TMEM266: variants seen among roughly 807,000 people sequenced by gnomAD.
The protein encoded by TMEM266 is Hv1 related protein 1.
A neutral mutation model predicts 50.5 loss-of-function variants in TMEM266; 33 were observed. The observed-to-expected ratio is 0.65, with a 90% confidence interval of 0.50 to 0.87. TMEM266 has a LOEUF of 0.87. Ranked by LOEUF, TMEM266 falls within the 40% of genes least tolerant of loss-of-function variation. The pLI, the probability that TMEM266 is intolerant of heterozygous loss-of-function variation, is 0.00. For missense variants in TMEM266, 655 were observed against 695.1 expected, an observed-to-expected ratio of 0.94 and a Z score of 0.65; for synonymous variants, 310 against 292.3, an observed-to-expected ratio of 1.06 and a Z score of -0.62.
chr15:76,158,223 C>G (rs1037840752), intron 4 of TMEM266, among the ~76,000 whole-genome samples: 6 of 152,196 alleles, frequency 3.9e-5, no homozygotes, highest in African/African-American at 1.4e-4. Flanking sequence ...TCTCTGCTCT[C>G]TCAGAGAGCG....
chr15:76,125,463 G>A (rs1290735281), intron 1 of TMEM266, among the ~76,000 whole-genome samples: 1 of 151,192 alleles, frequency 6.6e-6, no homozygotes, highest in Non-Finnish European at 1.5e-5. Flanking sequence ...AATATATAAG[G>A]AACCCATACA....
At chr15:76,061,927 C>T (rs575066987) in intron 1 of TMEM266, among the ~76,000 whole-genome samples, 2 of 152,198 alleles carry the variant, frequency 1.3e-5, no homozygotes, top group African/African-American at 4.8e-5. Context: ...GGAATCCATC[C>T]GTACCAGCCG....
At chr15:76,202,126 T>TG (rs1181642121) in intron 9 of TMEM266, 76 bp from the exon 10 acceptor site, 1 of 1,268,536 alleles carries the variant, frequency 7.9e-7, no homozygotes, top group Non-Finnish European at 1.1e-6. Flanking sequence ...CTTGTGACCG[T>TG]GGGGGTGGGG....
intron 8 of TMEM266, among the ~76,000 whole-genome samples, chr15:76,177,477 G>T (rs750536088): frequency 2.6e-5 from 4 of 152,256 alleles, no homozygotes; most frequent in Non-Finnish European, 5.9e-5. Context: ...ACAGGAACAC[G>T]CACACAGTGT....
In TMEM266 at chr15:76,160,851, C is replaced by G. The variant is rs918750796; in HGVS notation, c.456+683C>G. On this transcript the variant is annotated intron_variant, in intron 5 of 10. Transcript: ENST00000388942. The surrounding 1 kb of genome is among the most constrained non-coding windows in gnomAD (Gnocchi z 5.7). ...GGGAAAGTTTATGGAGATCCGCAGG[C>G]CCCCGGGCTTGGTGCAGAAGCTGGC... Among the ~76,000 whole-genome samples the G allele has an allele frequency of 1.3e-5, 2 of 152,156 alleles. No homozygotes were observed. The highest frequency in any genetic ancestry group is 4.8e-5 in the African/African-American group (2 of 41,424).
At chr15:76,173,896 G>A (rs1159751389) in intron 7 of TMEM266, among the ~76,000 whole-genome samples, 3 of 150,944 alleles carry the variant, frequency 2.0e-5, no homozygotes, top group Non-Finnish European at 2.9e-5. Flanking sequence ...TCATGTCACT[G>A]CACTCCAGCC....
chr15:76,204,011 C>G lies in TMEM266; in HGVS notation c.1292C>G (p.Ser431Cys), dbSNP rs2038795163. 1.2e-6 allele frequency: 2 copies of G among 1,608,872 alleles called. No individual in the cohort carries two copies. Among genetic ancestry groups the G allele is most frequent in the African/African-American group, 1.3e-5 (1 of 74,804 alleles). ...GGCCCTTCTCCCCCGCCGCTGCCAT[C>G]CCAGCAGCAGGTGGAGGAGGCCACA... Residue 431 changes from serine to cysteine, a missense_variant, in exon 11 of 11, where the codon TCC (serine) becomes TGC (cysteine). This residue lies in a region of TMEM266 where 455 missense variants were observed against 401.8 expected (regional missense o/e 1.13). Coordinates refer to ENST00000388942, the MANE Select transcript of TMEM266 (RefSeq NM_152335.3).
At chr15:76,191,823 T>G in intron 8 of TMEM266, 145 bp from the exon 9 acceptor site, 2 of 734,554 alleles carry the variant, frequency 2.7e-6, no homozygotes, top group Non-Finnish European at 2.0e-6. Flanking sequence ...TGCTGGGAGA[T>G]TCCTAAGGAA....
intron 3 of TMEM266, among the ~76,000 whole-genome samples, chr15:76,151,237 C>T (rs1358404609): frequency 1.3e-5 from 2 of 152,346 alleles, no homozygotes; most frequent in South Asian, 2.1e-4. Flanking sequence ...AAACAGTCAA[C>T]GCTGATTTCC....
chr15:76,136,462 C>A (rs2037589794), intron 2 of TMEM266, among the ~76,000 whole-genome samples: 1 of 152,118 alleles, frequency 6.6e-6, no homozygotes, highest in Non-Finnish European at 1.5e-5. Flanking sequence ...AGGAGGAGCC[C>A]TGCAGAAGTT....
intron 2 of TMEM266, among the ~76,000 whole-genome samples, chr15:76,137,146 A>T (rs1219344635): frequency 6.6e-6 from 1 of 152,190 alleles, no homozygotes; most frequent in Non-Finnish European, 1.5e-5. Flanking sequence ...TACCAGGGAC[A>T]GCTGGAGCCT....
Position 76,190,846 on chromosome 15 carries a change from T to C in TMEM266, c.769-1122T>C, listed in dbSNP as rs1287713495. Reference sequence around the variant, plus strand: ...GCGGCATTGGTAAGTAGGTGACCTCTTAGGCAGGGCGCCCGGGCGTGGTAT... The same window carrying C: ...GCGGCATTGGTAAGTAGGTGACCTCCTAGGCAGGGCGCCCGGGCGTGGTAT... On this transcript the variant is annotated intron_variant, in intron 8 of 10. Transcript: ENST00000388942. 3.9e-5 allele frequency among the ~76,000 whole-genome samples: 6 copies of C among 151,952 alleles called. No individual in the cohort carries two copies. The East Asian group carries it at 9.7e-4, about 24-fold the overall frequency.
intron 1 of TMEM266, among the ~76,000 whole-genome samples, chr15:76,062,209 A>G (rs2036317394): frequency 1.3e-5 from 2 of 152,226 alleles, no homozygotes; most frequent in African/African-American, 4.8e-5. Flanking sequence ...GGTGAATAGA[A>G]GGAATTATTT....
intron 1 of TMEM266, among the ~76,000 whole-genome samples, chr15:76,111,739 A>G (rs1376035908): frequency 1.3e-5 from 2 of 152,252 alleles, no homozygotes; most frequent in Non-Finnish European, 2.9e-5. Context: ...AAATCTGAAC[A>G]TACTCTTACC....
At chr15:76,163,562 T>G (rs36057974) in intron 5 of TMEM266, among the ~76,000 whole-genome samples, 17,804 of 152,158 alleles carry the variant, frequency 0.12, 1,477 homozygotes, top group Admixed American at 0.23. Flanking sequence ...TGGAGAATTG[T>G]GCAAACGTTC....
At chr15:76,202,534 G>A (rs870295) in intron 10 of TMEM266, among the ~76,000 whole-genome samples, 39,576 of 152,022 alleles carry the variant, frequency 0.26, 5,832 homozygotes, top group East Asian at 0.56. Context: ...CCTGAAATTG[G>A]AAGGGGGTTG....
intron 1 of TMEM266, among the ~76,000 whole-genome samples, chr15:76,072,438 C>CAAAA (rs766766619): frequency 1.3e-4 from 7 of 54,522 alleles, no homozygotes; most frequent in Non-Finnish European, 2.0e-4. Context: ...AAAACTCTGT[C>CAAAA]AAAAAAAAAA....
chr15:76,140,031 A>G (rs959558359), intron 3 of TMEM266, among the ~76,000 whole-genome samples: 1 of 152,328 alleles, frequency 6.6e-6, no homozygotes, highest in Non-Finnish European at 1.5e-5. Flanking sequence ...TTATCATTCA[A>G]TTTGCCTCTA....
rs1037105304 is a variant in TMEM266, at chr15:76,153,523, G to A, written c.228-3081G>A. On this transcript the variant is annotated intron_variant, in intron 3 of 10. Transcript: ENST00000388942. This position sits in a 1 kb window ranked among gnomAD's most constrained non-coding sequence, Gnocchi z 4.2. ...ATCAGTTTTAGGGGCCGCAGACAAC[G>A]GTAATGGGCATTGGGGAGAATGTGG... Among the ~76,000 whole-genome samples the A allele has an allele frequency of 1.3e-5, 2 of 152,200 alleles. No individual in the cohort carries two copies. The highest frequency in any genetic ancestry group is 4.8e-5 in the African/African-American group (2 of 41,456).
Sources: allele counts gnomAD v4.1 joint callset (sites outside exome capture counted in the v4.1 genomes callset), GRCh38; gene constraint gnomAD v4.1.1; regional missense constraint gnomAD v4.1.1; non-coding constraint Gnocchi (gnomAD v3.1); transcripts MANE v1.5; gene names NCBI Gene and HGNC (gene_info 2026-07-23, HGNC 2026-07-21).